DNAAF11: variants seen among roughly 807,000 people sequenced by gnomAD.
DNAAF11 encodes the protein leucine rich repeat containing 6.
In DNAAF11, 45 loss-of-function variants were observed where a neutral mutation model predicts 60.8. The observed-to-expected ratio is 0.74, with a 90% confidence interval of 0.58 to 0.95. DNAAF11 has a LOEUF of 0.95. Among genes scored for constraint, DNAAF11 ranks in the 40% least tolerant of loss-of-function variants. The pLI, the probability that DNAAF11 is intolerant of heterozygous loss-of-function variation, is 0.00. For synonymous variants in DNAAF11, 191 were observed against 183.5 expected (o/e 1.04, Z -0.33); for missense variants, 546 against 546.2 (o/e 1.00, Z 0.00).
intron 5 of DNAAF11, among the ~76,000 whole-genome samples, chr8:132,628,347 G>C (rs187685313): frequency 1.2e-3 from 189 of 152,178 alleles, no homozygotes; most frequent in African/African-American, 4.4e-3. Context: ...AGGAGGCAGA[G>C]ATTGCGGTGA....
rs184431586 is a variant in DNAAF11, at chr8:132,589,541, G to C, written c.1141-5762C>G. On this transcript the variant is annotated intron_variant, in intron 10 of 11. Coordinates refer to ENST00000620350, the MANE Select transcript of DNAAF11 (RefSeq NM_012472.6). Reference sequence around the variant, plus strand: ...CTTTTGAAAAGTGTCTTTTTCTCTTGCCTAGCTAGATAAAAATACTTTCCT... The same window carrying C: ...CTTTTGAAAAGTGTCTTTTTCTCTTCCCTAGCTAGATAAAAATACTTTCCT... 5.9e-5 allele frequency among the ~76,000 whole-genome samples: 9 copies of C among 152,190 alleles called. No homozygotes were observed. In the East Asian group the frequency reaches 1.5e-3, roughly 26 times the overall value.
chr8:132,659,183 C>T (rs1003461681), intron 2 of DNAAF11, among the ~76,000 whole-genome samples: 1 of 152,204 alleles, frequency 6.6e-6, no homozygotes, highest in Non-Finnish European at 1.5e-5. Flanking sequence ...TGGGTCACCT[C>T]TAAGCAGTGC....
At chr8:132,594,726 T>C (rs932852461) in intron 10 of DNAAF11, among the ~76,000 whole-genome samples, 1 of 152,158 alleles carries the variant, frequency 6.6e-6, no homozygotes, top group Non-Finnish European at 1.5e-5. Context: ...CCTGCTGTCA[T>C]GTAAGATGTG....
At chr8:132,617,472 G>A (rs1207635018) in intron 7 of DNAAF11, among the ~76,000 whole-genome samples, 2 of 152,192 alleles carry the variant, frequency 1.3e-5, no homozygotes, top group African/African-American at 4.8e-5. Context: ...AAGAATGCTT[G>A]TGATTTTTGT....
intron 2 of DNAAF11, among the ~76,000 whole-genome samples, chr8:132,660,417 G>A (rs1048493196): frequency 1.2e-4 from 19 of 152,244 alleles, no homozygotes; most frequent in African/African-American, 4.6e-4. Flanking sequence ...ACTAAGACTT[G>A]GGCAAGTAAC....
chr8:132,643,725 T>G (rs1244488421), intron 3 of DNAAF11: 3 of 456,204 alleles, frequency 6.6e-6, no homozygotes, highest in South Asian at 4.6e-5. Flanking sequence ...ATAAGCATGA[T>G]GTAAGTGCAA....
rs1451885715 is a variant in DNAAF11, at chr8:132,611,311, C to T, written c.1027G>A (p.Val343Ile). The change falls in exon 9 of 12, where the codon GTA becomes ATA. Residue 343 changes from valine to isoleucine, a missense_variant. Transcript: ENST00000620350. ...CTACTTACCTTTCCTTTGATCATTACTCGCACGTAAGTTGGTTGCACATCA... is the reference window on the plus strand; with the variant it reads ...CTACTTACCTTTCCTTTGATCATTATTCGCACGTAAGTTGGTTGCACATCA... ...DVDVQPTYVR[V>I]MIKGKPFQLV... The T allele has an allele frequency of 3.1e-6, 5 of 1,611,732 alleles. No homozygotes were observed. The Admixed American group carries it at 8.3e-5, about 27-fold the overall frequency.
At chr8:132,632,658 T>C in intron 5 of DNAAF11, 82 bp downstream of exon 5, 1 of 896,816 alleles carries the variant, frequency 1.1e-6, no homozygotes. Context: ...AATATAAGTG[T>C]ACTGCAAACA....
intron 11 of DNAAF11, among the ~76,000 whole-genome samples, chr8:132,576,008 G>A (rs776836207): frequency 1.1e-3 from 173 of 152,152 alleles, no homozygotes; most frequent in Non-Finnish European, 2.9e-4. Flanking sequence ...GGGGTACCTC[G>A]CCCACTACAT....
intron 10 of DNAAF11, among the ~76,000 whole-genome samples, chr8:132,609,638 A>G (rs1181043271): frequency 6.6e-6 from 1 of 152,110 alleles, no homozygotes; most frequent in Non-Finnish European, 1.5e-5. Flanking sequence ...TATCTCATGC[A>G]AGATAGGAAC....
At chr8:132,681,003 CTTTTTTTTTTTTT>C in the DNAAF11 span, among the ~76,000 whole-genome samples, 2 of 52,336 alleles carry the variant, frequency 3.8e-5, no homozygotes, top group African/African-American at 1.8e-4. Context: ...ATAACTATTC[CTTTTTTTTTTTTT>C]TTTTTTTTTT....
At chr8:132,690,508 C>T in the DNAAF11 span, among the ~76,000 whole-genome samples, 1 of 152,104 alleles carries the variant, frequency 6.6e-6, no homozygotes, top group Non-Finnish European at 1.5e-5. Flanking sequence ...CAGGAAGTAT[C>T]TTTATAGCAG....
At chr8:132,593,993 A>T (rs1816736564) in intron 10 of DNAAF11, among the ~76,000 whole-genome samples, 1 of 152,144 alleles carries the variant, frequency 6.6e-6, no homozygotes, top group East Asian at 1.9e-4. Context: ...ATAAATAGGA[A>T]AAAGGAAGTA....
At chr8:132,692,687 T>C in the DNAAF11 span, among the ~76,000 whole-genome samples, 1 of 152,200 alleles carries the variant, frequency 6.6e-6, no homozygotes, top group Non-Finnish European at 1.5e-5. Context: ...CTTCACCCTG[T>C]GCAGGTCTTC....
intron 10 of DNAAF11, among the ~76,000 whole-genome samples, chr8:132,608,898 T>C (rs1276087059): frequency 6.6e-6 from 1 of 152,246 alleles, no homozygotes; most frequent in Non-Finnish European, 1.5e-5. Context: ...TGAGTACCTA[T>C]AATGAATCCG....
rs984247341 is a variant in DNAAF11 at position 132,625,122 on chromosome 8, C to A, written c.836+150G>T. The A allele has an allele frequency of 1.3e-5, 7 of 526,746 alleles. No homozygotes were observed. The Admixed American group carries it at 2.3e-4, about 17-fold the overall frequency. 32.6% of individuals were successfully genotyped at this position (526,746 alleles called of 1,614,324 possible). On this transcript the variant is annotated intron_variant, in intron 6 of 11. Coordinates refer to ENST00000620350, the MANE Select transcript of DNAAF11 (RefSeq NM_012472.6). The stretch of plus-strand genomic sequence containing the variant: ...TGATATTAATGAATGTTAGCCAATA[C>A]AATTCAACAAAAAGCTATACTTAGA...
At chr8:132,610,031 C>T (rs1196462038) in intron 10 of DNAAF11, 135 bp downstream of exon 10, 1 of 607,228 alleles carries the variant, frequency 1.6e-6, no homozygotes. Flanking sequence ...TCTCCTACCT[C>T]AGCTGCTGTG....
chr8:132,625,206 G>A, intron 6 of DNAAF11, 66 bp downstream of exon 6: 1 of 1,228,954 alleles, frequency 8.1e-7, no homozygotes, highest in Non-Finnish European at 1.1e-6. Context: ...GTCAAAAAAT[G>A]GGCAATCATA....
At chr8:132,636,341 T>C (rs1821295317) in intron 4 of DNAAF11, among the ~76,000 whole-genome samples, 1 of 152,092 alleles carries the variant, frequency 6.6e-6, no homozygotes. Context: ...GTGGGTATAG[T>C]GTGAATGGTG....
Sources: gnomAD v4.1 joint callset for allele counts (sites outside exome capture counted in the v4.1 genomes callset) on GRCh38, gnomAD v4.1.1 for gene constraint, MANE v1.5 for transcripts, NCBI Gene and HGNC (gene_info 2026-07-23, HGNC 2026-07-21) for gene names.